Variants in FARP2 observed in about 807,000 individuals in gnomAD.
FARP2 encodes the protein FERM, ARHGEF and pleckstrin domain-containing protein 2.
FARP2 carries 111 observed loss-of-function variants against 130.5 expected under a neutral mutation model. That is an observed-to-expected ratio of 0.85 (90% CI 0.73 to 1.00). The LOEUF is 1.00. Among genes scored for constraint, FARP2 ranks in the 50% least tolerant of loss-of-function variants. FARP2 has a pLI of 0.00. For synonymous variants in FARP2, 504 were observed against 516.9 expected (o/e 0.98, Z 0.34); for missense variants, 1,385 against 1,346.3 (o/e 1.03, Z -0.45).
At chr2:241,413,204 A>C in intron 6 of FARP2, 103 bp from the exon 7 acceptor site, 4 of 663,706 alleles carry the variant, frequency 6.0e-6, no homozygotes, top group Non-Finnish European at 1.0e-5. Context: ...TTCTTTTGCT[A>C]CAAATTTGGG....
chr2:241,402,848 A>T (rs1326193058), intron 2 of FARP2, among the ~76,000 whole-genome samples: 1 of 4,846 alleles, frequency 2.1e-4, no homozygotes, highest in Non-Finnish European at 4.5e-4. Context: ...ATATATATAT[A>T]TATATATATA....
At chr2:241,447,035 C>T (rs2063529355) in intron 13 of FARP2, 1 of 152,070 alleles carries the variant, frequency 6.6e-6, no homozygotes, top group South Asian at 2.1e-4. Flanking sequence ...CTTTGTGGTA[C>T]TTATAAAATT....
intron 18 of FARP2, among the ~76,000 whole-genome samples, chr2:241,473,671 C>A (rs991576674): frequency 6.6e-6 from 1 of 152,130 alleles, no homozygotes; most frequent in Non-Finnish European, 1.5e-5. Flanking sequence ...TTCAAGCAGC[C>A]ATGCAGCAAA....
chr2:241,430,426 C>G (rs1481817072), intron 8 of FARP2, among the ~76,000 whole-genome samples: 1 of 152,134 alleles, frequency 6.6e-6, no homozygotes, highest in African/African-American at 2.4e-5. Context: ...CACTTCTGGC[C>G]CTCTCAACAG....
Position 241,454,890 on chromosome 2 carries a change from G to C in FARP2, c.1412-1857G>C, listed in dbSNP as rs992206162. On this transcript the variant is annotated intron_variant, in intron 13 of 26. Transcript: ENST00000264042. ...CATGAGCACTGATATTTCATCTTAA[G>C]AATCCTAATAACTAGAATTCCTAGC... Among the ~76,000 whole-genome samples, 5 of 152,158 alleles carry C rather than the reference G, an allele frequency of 3.3e-5. No homozygotes were observed. In the East Asian group the frequency reaches 7.7e-4, roughly 23 times the overall value.
intron 8 of FARP2, among the ~76,000 whole-genome samples, chr2:241,422,715 G>C (rs1559754937): frequency 6.6e-6 from 1 of 152,154 alleles, no homozygotes; most frequent in Non-Finnish European, 1.5e-5. Context: ...ATGCAAAGAA[G>C]CTAAGGACCA....
chr2:241,465,257 G>A (rs1000668692), intron 17 of FARP2, among the ~76,000 whole-genome samples: 7 of 152,124 alleles, frequency 4.6e-5, no homozygotes, highest in Admixed American at 2.0e-4. Context: ...GCCCAGAACA[G>A]CATCCTCTTC....
rs1418377420 is a variant in FARP2 at position 241,356,317 on chromosome 2, G to C, written c.-96G>C. ...AGCAGGCGACGCCGACGCGAGTCTGGCGGCTGCTGCTTGCGACTGCGGAGG... is the reference window on the plus strand; with the variant it reads ...AGCAGGCGACGCCGACGCGAGTCTGCCGGCTGCTGCTTGCGACTGCGGAGG... On this transcript the variant is annotated 5_prime_UTR_variant, in exon 1 of 27. Transcript: ENST00000264042. 6.6e-6 allele frequency: 1 copy of C among 152,410 alleles called. No homozygotes were observed. Among genetic ancestry groups the C allele is most frequent in the East Asian group, 1.9e-4 (1 of 5,200 alleles). 9.4% of individuals were successfully genotyped at this position (152,410 alleles called of 1,614,324 possible).
At chr2:241,491,871 G>A (rs528438146) in intron 24 of FARP2, among the ~76,000 whole-genome samples, 192 bp downstream of exon 24, 4 of 152,152 alleles carry the variant, frequency 2.6e-5, no homozygotes, top group East Asian at 1.9e-4. Context: ...CTTTGAAAAG[G>A]GTGTTTCAGG....
rs143981445 is a variant in FARP2 at position 241,441,441 on chromosome 2, C to T, written c.1296C>T (p.Pro432=). 6 of 1,614,100 alleles carry T rather than the reference C, an allele frequency of 3.7e-6. No homozygotes were observed. Among genetic ancestry groups the T allele is most frequent in the Non-Finnish European group, 5.1e-6 (6 of 1,180,048 alleles). The part of the protein sequence containing the change: ...FKDSSSSLTD[P]QVSYVKSPAA... ...ACAGCAGCAGCTCCCTCACAGATCC[C>T]CAGGTTTCCTACGTCAAGAGTCCAG... Residue 432 remains proline, a synonymous_variant, in exon 13 of 27, where the codon CCC becomes CCT. Coordinates refer to ENST00000264042, the MANE Select transcript of FARP2 (RefSeq NM_014808.4).
At chr2:241,464,936 C>G (rs2064130377) in intron 17 of FARP2, among the ~76,000 whole-genome samples, 1 of 152,104 alleles carries the variant, frequency 6.6e-6, no homozygotes, top group South Asian at 2.1e-4. Flanking sequence ...CACCGCATCC[C>G]TCAATAAGGG....
In FARP2 at chr2:241,366,108, T is replaced by TATATATATATACATATATATATAC. The variant is rs1168692581; in HGVS notation, c.-24-6965_-24-6964insCATATATATATACATATATATATA. On this transcript the variant is annotated intron_variant, in intron 1 of 26. Coordinates refer to ENST00000264042, the MANE Select transcript of FARP2 (RefSeq NM_014808.4). ...CATCACTACTAAAAAAAAAAAAATA[T>TATATATATATACATATATATATAC]ATATATATATATACGTATATATATA... 4.4e-4 allele frequency among the ~76,000 whole-genome samples: 15 copies of TATATATATATACATATATATATAC among 34,246 alleles called. 1 individual carries two copies. The East Asian group carries it at 4.9e-3, about 11-fold the overall frequency. The allele number at this position is 34,246 out of a possible 152,430, so 22.5% of individuals were successfully genotyped here.
At chr2:241,456,211 C>G (rs1288287955) in intron 13 of FARP2, among the ~76,000 whole-genome samples, 1 of 152,096 alleles carries the variant, frequency 6.6e-6, no homozygotes, top group Admixed American at 6.6e-5. Flanking sequence ...ATGAAAAACT[C>G]AAGGAACTGG....
chr2:241,461,265 A>G lies in FARP2; in HGVS notation c.1588-1258A>G, dbSNP rs144252090. Among the ~76,000 whole-genome samples the G allele has an allele frequency of 6.0e-5, 9 of 150,888 alleles. No homozygotes were observed. The East Asian group carries it at 1.8e-3, about 30-fold the overall frequency. On this transcript the variant is annotated intron_variant, in intron 14 of 26. Coordinates refer to ENST00000264042, the MANE Select transcript of FARP2 (RefSeq NM_014808.4). ...ACCTTCAGAATGTGTCCAGGATCTCACCCCTCACCCCTCCGCGCCCCCCAA... is the reference window on the plus strand; with the variant it reads ...ACCTTCAGAATGTGTCCAGGATCTCGCCCCTCACCCCTCCGCGCCCCCCAA...
At chr2:241,437,400 C>T (rs776954449) in intron 12 of FARP2, among the ~76,000 whole-genome samples, 8 of 152,124 alleles carry the variant, frequency 5.3e-5, no homozygotes, top group Non-Finnish European at 7.4e-5. Flanking sequence ...CACTACAGTC[C>T]CTTCCCATTT....
Position 241,491,324 on chromosome 2 carries a change from C to A in FARP2, c.2623+145C>A, listed in dbSNP as rs73119676. The A allele has an allele frequency of 5.1e-3, 4,416 of 858,056 alleles. 135 individuals are homozygous for A. The African/African-American group carries it at 0.066, about 13-fold the overall frequency. The allele number at this position is 858,056 out of a possible 1,614,324, so 53.2% of individuals were successfully genotyped here. A position where few individuals can be genotyped will look rare whatever the true frequency, so the allele number is the denominator to read the frequency against. On this transcript the variant is annotated intron_variant, in intron 23 of 26. Transcript: ENST00000264042. ...GGAATGTTCCAGGCTACGCCTCATGCCTGGGCGGGAAGAGGTGTCAATCAG... is the reference window on the plus strand; with the variant it reads ...GGAATGTTCCAGGCTACGCCTCATGACTGGGCGGGAAGAGGTGTCAATCAG...
At chr2:241,490,134 G>A in intron 22 of FARP2, 90 bp downstream of exon 22, 2 of 905,714 alleles carry the variant, frequency 2.2e-6, no homozygotes, top group East Asian at 2.4e-5. Flanking sequence ...TCTGAGCTGT[G>A]AGGAGCCATG....
chr2:241,428,620 T>C (rs1399177660), intron 8 of FARP2, among the ~76,000 whole-genome samples: 1 of 151,842 alleles, frequency 6.6e-6, no homozygotes, highest in African/African-American at 2.4e-5. Flanking sequence ...AACATCTAAC[T>C]CAGGATTTTT....
At chr2:241,405,407 G>A (rs1189071861) in intron 4 of FARP2, 2 of 152,102 alleles carry the variant, frequency 1.3e-5, no homozygotes, top group South Asian at 2.1e-4. Flanking sequence ...ACTAAGGCAT[G>A]TAGTAGCACT....
Sources: allele counts gnomAD v4.1 joint callset (sites outside exome capture counted in the v4.1 genomes callset), GRCh38; gene constraint gnomAD v4.1.1; transcripts MANE v1.5; gene names NCBI Gene and HGNC (gene_info 2026-07-23, HGNC 2026-07-21).